INSC: variants seen among roughly 807,000 people sequenced by gnomAD.
INSC encodes protein inscuteable homolog.
Under a neutral mutation model 58.6 loss-of-function variants are expected in INSC, and 67 were observed. That is an observed-to-expected ratio of 1.14 (90% CI 0.94 to 1.40). The LOEUF (loss-of-function observed/expected upper bound fraction) is 1.40, where lower values mean the gene tolerates loss of function less well. Ranked by LOEUF, INSC falls within the 40% of genes most tolerant of loss-of-function variation. INSC has a pLI of 0.00. For missense variants in INSC, 714 were observed against 692.0 expected (o/e 1.03, Z -0.36); for synonymous variants, 262 against 276.1 (o/e 0.95, Z 0.51).
intron 7 of INSC, among the ~76,000 whole-genome samples, chr11:15,213,748 A>C (rs778315912): frequency 2.3e-4 from 35 of 152,028 alleles, no homozygotes; most frequent in Non-Finnish European, 4.6e-4. Flanking sequence ...CCTTTCATTC[A>C]TTGTTTCATT....
intron 2 of INSC, among the ~76,000 whole-genome samples, chr11:15,151,766 G>T (rs1848658883): frequency 6.6e-6 from 1 of 152,142 alleles, no homozygotes; most frequent in South Asian, 2.1e-4. Context: ...TAGTCCTTTG[G>T]TTTAACTTTC....
At chr11:15,187,247 A>C (rs1244346663) in intron 5 of INSC, among the ~76,000 whole-genome samples, 1 of 152,184 alleles carries the variant, frequency 6.6e-6, no homozygotes, top group Non-Finnish European at 1.5e-5. Flanking sequence ...TGGAAATCTT[A>C]GGACATTACT....
intron 7 of INSC, among the ~76,000 whole-genome samples, chr11:15,214,872 T>G (rs1265752474): frequency 6.6e-6 from 1 of 152,216 alleles, no homozygotes; most frequent in African/African-American, 2.4e-5. Context: ...AATCCTTTTA[T>G]GCAAGATCTC....
intron 2 of INSC, among the ~76,000 whole-genome samples, chr11:15,164,895 C>A (rs1405802677): frequency 3.9e-5 from 6 of 152,104 alleles, no homozygotes; most frequent in African/African-American, 1.4e-4. Context: ...TTTTATAATG[C>A]CTGCCACCAG....
chr11:15,238,608 G>A (rs1198198017), intron 10 of INSC, among the ~76,000 whole-genome samples: 1 of 152,174 alleles, frequency 6.6e-6, no homozygotes, highest in Non-Finnish European at 1.5e-5. Context: ...GCTACTGGAA[G>A]GTTTTAGGGC....
chr11:15,160,495 T>C (rs1378850600), intron 2 of INSC, among the ~76,000 whole-genome samples: 1 of 152,200 alleles, frequency 6.6e-6, no homozygotes, highest in Non-Finnish European at 1.5e-5. Context: ...GCACAGGTGA[T>C]GGCTCCTAAT....
At chr11:15,216,118 C>T (rs944053995) in intron 7 of INSC, among the ~76,000 whole-genome samples, 7 of 152,220 alleles carry the variant, frequency 4.6e-5, no homozygotes, top group Middle Eastern at 3.4e-3. Flanking sequence ...TGGAGTAAAG[C>T]GGGCTGGCAG....
At chr11:15,255,951 T>A in the INSC span, among the ~76,000 whole-genome samples, 1 of 152,216 alleles carries the variant, frequency 6.6e-6, no homozygotes, top group Non-Finnish European at 1.5e-5. Context: ...CATTCTCTTG[T>A]AAACTCCACG....
At chr11:15,243,698 C>T (rs1590019888) in intron 12 of INSC, among the ~76,000 whole-genome samples, 1 of 152,068 alleles carries the variant, frequency 6.6e-6, no homozygotes, top group East Asian at 1.9e-4. Context: ...TGCTCTCTTT[C>T]TAGGGTTTGC....
intron 7 of INSC, among the ~76,000 whole-genome samples, chr11:15,220,856 A>G (rs898333883): frequency 1.3e-5 from 2 of 152,226 alleles, no homozygotes; most frequent in African/African-American, 2.4e-5. Flanking sequence ...GGTTGGGCAC[A>G]GAAAGCAAGG....
chr11:15,132,525 G>T (rs1310559561), intron 1 of INSC, among the ~76,000 whole-genome samples: 1 of 152,128 alleles, frequency 6.6e-6, no homozygotes, highest in African/African-American at 2.4e-5. Context: ...GGGCTTAAGT[G>T]ATCCTCCTGC....
intron 2 of INSC, among the ~76,000 whole-genome samples, chr11:15,170,854 G>C (rs1187233107): frequency 6.6e-6 from 1 of 152,146 alleles, no homozygotes; most frequent in Non-Finnish European, 1.5e-5. Flanking sequence ...CAGGCACCCA[G>C]ATGGATTCAT....
the INSC span, among the ~76,000 whole-genome samples, chr11:15,258,018 G>A: frequency 2.0e-5 from 3 of 152,198 alleles, no homozygotes; most frequent in African/African-American, 7.2e-5. Context: ...CAGGATTGAA[G>A]AGGAGCATAT....
At chr11:15,178,285 C>G in intron 4 of INSC, 39 bp from the exon 5 acceptor site, 1 of 1,611,790 alleles carries the variant, frequency 6.2e-7, no homozygotes, top group Non-Finnish European at 8.5e-7. Flanking sequence ...TGACCACATG[C>G]CCTTTCCAGT....
intron 5 of INSC, among the ~76,000 whole-genome samples, chr11:15,187,706 T>C (rs908699707): frequency 7.2e-5 from 11 of 152,202 alleles, no homozygotes; most frequent in African/African-American, 2.7e-4. Context: ...GTCTTTAAGA[T>C]GTTATTTTTT....
intron 7 of INSC, among the ~76,000 whole-genome samples, chr11:15,217,337 A>G (rs556031140): frequency 2.6e-5 from 4 of 152,302 alleles, no homozygotes; most frequent in Admixed American, 1.3e-4. Context: ...GGTCCCTCTC[A>G]TGACATGGGG....
At chr11:15,258,295 A>C in the INSC span, among the ~76,000 whole-genome samples, 2 of 152,184 alleles carry the variant, frequency 1.3e-5, no homozygotes, top group Non-Finnish European at 2.9e-5. Flanking sequence ...ATAAAGAAAG[A>C]GATTGCTGGG....
At chr11:15,145,541 G>T (rs921054575) in intron 1 of INSC, among the ~76,000 whole-genome samples, 10 of 152,182 alleles carry the variant, frequency 6.6e-5, no homozygotes, top group African/African-American at 2.2e-4. Flanking sequence ...GAACTTTGCA[G>T]TAGGAGCTTC....
chr11:15,114,859 G>A, upstream of INSC: 1 of 842,006 alleles, frequency 1.2e-6, no homozygotes, highest in Non-Finnish European at 1.4e-6. Flanking sequence ...GGGCGGGGGA[G>A]AACGGGGCGG....
Sources: gnomAD v4.1 joint callset for allele counts (sites outside exome capture counted in the v4.1 genomes callset) on GRCh38, gnomAD v4.1.1 for gene constraint, MANE v1.5 for transcripts, NCBI Gene and HGNC (gene_info 2026-07-23, HGNC 2026-07-21) for gene names.